QTMAN: variants seen among roughly 807,000 people sequenced by gnomAD.
QTMAN encodes tRNA-queuosine alpha-mannosyltransferase.
chr2:144,297,322 A>C, the QTMAN span, among the ~76,000 whole-genome samples: 3 of 152,096 alleles, frequency 2.0e-5, no homozygotes, highest in Non-Finnish European at 4.4e-5. Flanking sequence ...GACCACGGAG[A>C]AACAATGGAT....
chr2:144,277,029 T>C, the QTMAN span, among the ~76,000 whole-genome samples: 1 of 152,334 alleles, frequency 6.6e-6, no homozygotes, highest in Non-Finnish European at 1.5e-5. Context: ...GCATATTGTA[T>C]ATTTCAGTAC....
chr2:144,055,330 C>CACAG, the QTMAN span, among the ~76,000 whole-genome samples: 1 of 144,884 alleles, frequency 6.9e-6, no homozygotes, highest in Non-Finnish European at 1.5e-5. Flanking sequence ...CACACAGACA[C>CACAG]ACAGACACAC....
At chr2:144,146,967 T>A in the QTMAN span, among the ~76,000 whole-genome samples, 1 of 151,852 alleles carries the variant, frequency 6.6e-6, no homozygotes. Context: ...ACCACTTACA[T>A]TGCAAGTGCT....
the QTMAN span, among the ~76,000 whole-genome samples, chr2:144,124,438 G>A: frequency 2.6e-5 from 4 of 152,022 alleles, 1 homozygote; most frequent in Middle Eastern, 6.3e-3. Flanking sequence ...ACAGTACCTC[G>A]CTTATAAACT....
chr2:144,303,225 G>A, the QTMAN span, among the ~76,000 whole-genome samples: 1 of 152,192 alleles, frequency 6.6e-6, no homozygotes, highest in Admixed American at 6.5e-5. Context: ...TATTACCAAA[G>A]AAACAGAGGC....
chr2:144,113,039 A>T, the QTMAN span, among the ~76,000 whole-genome samples: 1 of 152,194 alleles, frequency 6.6e-6, no homozygotes, highest in South Asian at 2.1e-4. Flanking sequence ...TCATAACATA[A>T]GATCCCAAAT....
At chr2:144,185,317 C>A in the QTMAN span, among the ~76,000 whole-genome samples, 5 of 152,236 alleles carry the variant, frequency 3.3e-5, no homozygotes, top group East Asian at 9.7e-4. Flanking sequence ...TACATTAGGC[C>A]ATACAAGGAT....
chr2:144,002,380 A>G, the QTMAN span, among the ~76,000 whole-genome samples: 1 of 151,908 alleles, frequency 6.6e-6, no homozygotes, highest in Non-Finnish European at 1.5e-5. Flanking sequence ...TGACAGATAA[A>G]CCACAGTTAA....
chr2:144,313,823 A>G, the QTMAN span, among the ~76,000 whole-genome samples: 1 of 151,590 alleles, frequency 6.6e-6, no homozygotes, highest in African/African-American at 2.4e-5. Context: ...ACTAGATTTC[A>G]GCTATTACAT....
At chr2:144,216,558 C>G in the QTMAN span, among the ~76,000 whole-genome samples, 3 of 152,164 alleles carry the variant, frequency 2.0e-5, no homozygotes, top group Non-Finnish European at 4.4e-5. Flanking sequence ...GAAGTCTAAA[C>G]TAAATCAAGC....
the QTMAN span, among the ~76,000 whole-genome samples, chr2:144,014,623 T>G: frequency 6.6e-6 from 1 of 152,108 alleles, no homozygotes; most frequent in Non-Finnish European, 1.5e-5. Context: ...CCATGTCTGG[T>G]CCCAGGGATA....
chr2:144,120,766 C>A, the QTMAN span, among the ~76,000 whole-genome samples: 1 of 152,014 alleles, frequency 6.6e-6, no homozygotes, highest in Admixed American at 6.6e-5. Context: ...CTGAGCTACC[C>A]CTTAAATCAT....
chr2:144,198,972 AC>A, the QTMAN span, among the ~76,000 whole-genome samples: 1 of 151,452 alleles, frequency 6.6e-6, no homozygotes, highest in Non-Finnish European at 1.5e-5. Context: ...ATCTCTATTT[AC>A]CAAAATCTTT....
chr2:144,013,165 C>T, the QTMAN span, among the ~76,000 whole-genome samples: 1 of 152,124 alleles, frequency 6.6e-6, no homozygotes, highest in Non-Finnish European at 1.5e-5. Context: ...TCCCAAAGTA[C>T]ATGTTACTAT....
chr2:144,014,895 T>C, the QTMAN span, among the ~76,000 whole-genome samples: 1 of 152,230 alleles, frequency 6.6e-6, no homozygotes. Context: ...ACCTTATTTA[T>C]ACCATTTGCT....
the QTMAN span, among the ~76,000 whole-genome samples, chr2:144,107,710 T>C: frequency 6.0e-4 from 92 of 152,314 alleles, no homozygotes; most frequent in African/African-American, 2.1e-3. Context: ...TCTGAAACTA[T>C]TCTAAGCAAT....
the QTMAN span, among the ~76,000 whole-genome samples, chr2:144,008,413 C>T: frequency 6.6e-6 from 1 of 151,832 alleles, no homozygotes; most frequent in Non-Finnish European, 1.5e-5. Context: ...TTTTGCAAGA[C>T]AGAGTCAGGG....
At chr2:143,952,969 C>A in the QTMAN span, 1 of 638,720 alleles carries the variant, frequency 1.6e-6, no homozygotes, top group South Asian at 2.0e-5. Context: ...AAAACATGGT[C>A]GGCAGTATAA....
chr2:144,301,380 G>A, the QTMAN span, among the ~76,000 whole-genome samples: 6 of 152,086 alleles, frequency 3.9e-5, no homozygotes, highest in East Asian at 7.7e-4. Flanking sequence ...GCACCACCAC[G>A]CCCAGCTACT....
Sources: allele counts gnomAD v4.1 joint callset (sites outside exome capture counted in the v4.1 genomes callset), GRCh38; gene constraint gnomAD v4.1.1; transcripts MANE v1.5; gene names NCBI Gene and HGNC (gene_info 2026-07-23, HGNC 2026-07-21).